Variants in GIT2 observed in about 807,000 individuals in gnomAD.
GIT2 encodes the protein ARF GTPase-activating protein GIT2.
Under a neutral mutation model 100.3 loss-of-function variants are expected in GIT2, and 32 were observed. The ratio of observed to expected loss-of-function variants is 0.32; its 90% CI spans 0.24 to 0.43. GIT2 has a LOEUF of 0.43. GIT2 is among the 20% of genes least tolerant of loss of function. The probability of loss-of-function intolerance (pLI) is 1.00; values close to 1 mark genes in which losing one functional copy is unlikely to be tolerated. For synonymous variants in GIT2, 353 were observed against 364.1 expected (o/e 0.97, Z 0.35); for missense variants, 737 against 975.1 (o/e 0.76, Z 3.25).
intron 4 of GIT2, among the ~76,000 whole-genome samples, chr12:109,986,797 A>C (rs1175687790): frequency 1.3e-5 from 2 of 151,716 alleles, no homozygotes; most frequent in African/African-American, 4.8e-5. Flanking sequence ...AAACAAAAAA[A>C]AACCAAAAGA....
rs1386251888 is a variant in GIT2 at position 109,931,885 on chromosome 12, G to C, written c.*1093C>G. On this transcript the variant is annotated 3_prime_UTR_variant, in exon 20 of 20. Transcript: ENST00000355312. ...ACTCTCTAAGGAACTCTTGAAAGTT[G>C]ATGTCTAATTTTTAAGTACTCATGA... is the stretch of plus-strand genomic sequence containing the variant. 3 of 152,242 alleles carry C rather than the reference G, an allele frequency of 2.0e-5. No individual in the cohort carries two copies. Among genetic ancestry groups the C allele is most frequent in the Non-Finnish European group, 4.4e-5 (3 of 68,048 alleles). 9.4% of individuals were successfully genotyped at this position (152,242 alleles called of 1,614,324 possible).
At chr12:109,975,243 G>A (rs774300811) in intron 7 of GIT2, among the ~76,000 whole-genome samples, 4 of 151,950 alleles carry the variant, frequency 2.6e-5, no homozygotes, top group Non-Finnish European at 5.9e-5. Flanking sequence ...TTGCTCTGTT[G>A]CCCAGGCTGG....
At chr12:109,976,970 C>A (rs1229387255) in intron 7 of GIT2, among the ~76,000 whole-genome samples, 8 of 152,194 alleles carry the variant, frequency 5.3e-5, no homozygotes, top group Non-Finnish European at 1.0e-4. Context: ...TCTGCCACAT[C>A]TTTAACATTT....
Position 109,934,246 on chromosome 12 carries a change from A to G in GIT2, c.2004-161T>C, listed in dbSNP as rs574148587. The G allele has an allele frequency of 1.6e-6, 1 of 607,294 alleles. No individual in the cohort carries two copies. Among genetic ancestry groups the G allele is most frequent in the South Asian group, 1.9e-5 (1 of 51,456 alleles). 37.6% of individuals were successfully genotyped at this position (607,294 alleles called of 1,614,324 possible). A position where few individuals can be genotyped will look rare whatever the true frequency, so the allele number is the denominator to read the frequency against. ...ACCACCAGAGGGCACATGGTTATAA[A>G]GCAGGACTCTCATTGCTTCCTAAAA... On this transcript the variant is annotated intron_variant, in intron 18 of 19. Transcript: ENST00000355312. The surrounding 1 kb of genome is among the most constrained non-coding windows in gnomAD (Gnocchi z 4.5).
chr12:109,996,408 G>A (rs1889444045), upstream of GIT2: 2 of 533,958 alleles, frequency 3.7e-6, no homozygotes, highest in Non-Finnish European at 3.3e-6. Context: ...GCGAGTGTCA[G>A]GTCATGTGAC....
intron 7 of GIT2, among the ~76,000 whole-genome samples, chr12:109,970,942 A>C (rs752457740): frequency 9.9e-5 from 15 of 152,220 alleles, no homozygotes; most frequent in Non-Finnish European, 1.9e-4. Context: ...GGCATGCACC[A>C]TCACACATGG....
At chr12:109,950,231 A>G (rs941935597) in intron 14 of GIT2, among the ~76,000 whole-genome samples, 7 of 152,244 alleles carry the variant, frequency 4.6e-5, no homozygotes, top group African/African-American at 1.7e-4. Flanking sequence ...AGGAAGCAGC[A>G]CTGAAAAGAG....
In GIT2 at chr12:109,933,462, A is replaced by AT; in HGVS notation, c.2068-273dup. On this transcript the variant is annotated intron_variant, in intron 19 of 19. Coordinates refer to ENST00000355312, the MANE Select transcript of GIT2 (RefSeq NM_057169.5). The surrounding 1 kb of genome is among the most constrained non-coding windows in gnomAD (Gnocchi z 4.5). ...AGTAGTTTTTGAAAAATATTAATCCATGTGGGTAAAATATTCCAGAAAATC... is the reference window on the plus strand; with the variant it reads ...AGTAGTTTTTGAAAAATATTAATCCATTGTGGGTAAAATATTCCAGAAAATC... 1 of 360,672 alleles carries AT rather than the reference A, an allele frequency of 2.8e-6. No individual in the cohort carries two copies. Among genetic ancestry groups the AT allele is most frequent in the Non-Finnish European group, 5.0e-6 (1 of 198,928 alleles). The allele number at this position is 360,672 out of a possible 1,614,324, so 22.3% of individuals were successfully genotyped here.
rs978516634 is a variant in GIT2 at position 109,932,894 on chromosome 12, T to C, written c.*84A>G. The C allele has an allele frequency of 9.0e-6, 7 of 776,034 alleles. No individual in the cohort carries two copies. In the African/African-American group the frequency reaches 1.2e-4, roughly 13 times the overall value. 48.1% of individuals were successfully genotyped at this position (776,034 alleles called of 1,614,324 possible). A position where few individuals can be genotyped will look rare whatever the true frequency, so the allele number is the denominator to read the frequency against. On this transcript the variant is annotated 3_prime_UTR_variant, in exon 20 of 20. Coordinates refer to ENST00000355312, the MANE Select transcript of GIT2 (RefSeq NM_057169.5). ...AACCGTCATTAAATGTTTCTTTTTG[T>C]AGAAATCTGAAGAGTTCTGCGTCTG...
intron 16 of GIT2, among the ~76,000 whole-genome samples, chr12:109,941,678 T>C (rs7310190): frequency 0.19 from 28,510 of 151,662 alleles, 4,943 homozygotes; most frequent in African/African-American, 0.47. Context: ...TGCACCACCA[T>C]ACCGAGCTAA....
chr12:109,957,607 C>T (rs1414457536), intron 12 of GIT2, among the ~76,000 whole-genome samples: 5 of 151,410 alleles, frequency 3.3e-5, no homozygotes, highest in East Asian at 1.9e-4. Flanking sequence ...CCCGGGTTCA[C>T]GCCATTCTCC....
At chr12:109,957,929 CTT>C (rs1879950355) in intron 12 of GIT2, among the ~76,000 whole-genome samples, 1 of 151,636 alleles carries the variant, frequency 6.6e-6, no homozygotes, top group Admixed American at 6.6e-5. Flanking sequence ...TTTTTTAAGA[CTT>C]TGTTTTTTAA....
intron 7 of GIT2, among the ~76,000 whole-genome samples, chr12:109,977,021 C>A (rs972757508): frequency 3.9e-5 from 6 of 152,204 alleles, no homozygotes; most frequent in African/African-American, 1.4e-4. Flanking sequence ...AAGATTCCCT[C>A]TGGCATCATT....
In GIT2 at chr12:109,945,274, C is replaced by T. The variant is rs201858644; in HGVS notation, c.1717G>A (p.Glu573Lys). The change falls in exon 16 of 20, where the codon GAA (glutamate) becomes AAA (lysine). Residue 573 changes from glutamate to lysine, a missense_variant. By Grantham distance (56) the Glu-to-Lys change is moderately conservative. Around this residue, in one of 3 missense-constraint regions of GIT2, gnomAD observed 451 missense variants for 543.7 expected, o/e 0.83. Transcript: ENST00000355312. ...FPSTLSWSRD[E>K]SARRASRLEK... ...ATGTACTTAACCCTTCGGGCGCTTTCGTCCCTCGACCAGGAAAGTGTGGAG... is the reference window on the plus strand; with the variant it reads ...ATGTACTTAACCCTTCGGGCGCTTTTGTCCCTCGACCAGGAAAGTGTGGAG... 8 of 1,550,732 alleles carry T rather than the reference C, an allele frequency of 5.2e-6. No individual in the cohort carries two copies. Among genetic ancestry groups the T allele is most frequent in the East Asian group, 2.2e-5 (1 of 44,556 alleles).
chr12:109,948,537 C>T lies in GIT2; in HGVS notation c.1393-1033G>A, dbSNP rs573177783. The T allele has an allele frequency of 1.6e-5, 21 of 1,310,732 alleles. No homozygotes were observed. The highest frequency in any genetic ancestry group is 6.3e-5 in the East Asian group (2 of 31,908). 81.2% of individuals were successfully genotyped at this position (1,310,732 alleles called of 1,614,324 possible). ...CTGGCATTTTAAACACCATTCACCA[C>T]GTCCATTCTGCGCAGGGTCCTTCCC... On this transcript the variant is annotated intron_variant, in intron 14 of 19. Coordinates refer to ENST00000355312, the MANE Select transcript of GIT2 (RefSeq NM_057169.5). This position sits in a 1 kb window ranked among gnomAD's most constrained non-coding sequence, Gnocchi z 4.3.
intron 4 of GIT2, among the ~76,000 whole-genome samples, chr12:109,986,812 C>G (rs542462293): frequency 6.6e-6 from 1 of 151,886 alleles, no homozygotes; most frequent in East Asian, 1.9e-4. Flanking sequence ...AAAAGATTAG[C>G]TGGGCCTGGT....
chr12:109,943,652 T>TATCA (rs1229808815), intron 16 of GIT2, among the ~76,000 whole-genome samples: 1 of 151,452 alleles, frequency 6.6e-6, no homozygotes, highest in Non-Finnish European at 1.5e-5. Context: ...AAGTACAATG[T>TATCA]ATCAAGAATT....
chr12:109,959,748 T>G, intron 12 of GIT2, 99 bp downstream of exon 12: 1 of 723,316 alleles, frequency 1.4e-6, no homozygotes, highest in Non-Finnish European at 2.4e-6. Context: ...CCTATAGAAC[T>G]GTCATGTTGA....
rs1592987182 is a variant in GIT2 at position 109,948,671 on chromosome 12, G to A, written c.1393-1167C>T. On this transcript the variant is annotated intron_variant, in intron 14 of 19. Coordinates refer to ENST00000355312, the MANE Select transcript of GIT2 (RefSeq NM_057169.5). This position sits in a 1 kb window ranked among gnomAD's most constrained non-coding sequence, Gnocchi z 4.3. ...TAAAATCTGACCAAATTCCCCACCA[G>A]TGCCAAGGTTTAAGTCCACAAGCAA... The A allele has an allele frequency of 3.5e-6, 5 of 1,437,144 alleles. No individual in the cohort carries two copies. The East Asian group carries it at 1.3e-4, about 37-fold the overall frequency. 89.0% of individuals were successfully genotyped at this position (1,437,144 alleles called of 1,614,324 possible). A position where few individuals can be genotyped will look rare whatever the true frequency, so the allele number is the denominator to read the frequency against.
Sources: allele counts gnomAD v4.1 joint callset (sites outside exome capture counted in the v4.1 genomes callset), GRCh38; gene constraint gnomAD v4.1.1; regional missense constraint gnomAD v4.1.1; non-coding constraint Gnocchi (gnomAD v3.1); transcripts MANE v1.5; gene names NCBI Gene and HGNC (gene_info 2026-07-23, HGNC 2026-07-21).